Variants in ADPRHL1 observed in about 807,000 individuals in gnomAD.
The protein encoded by ADPRHL1 is ADP-ribosylhydrolase like 1.
Under a neutral mutation model 44.1 loss-of-function variants are expected in ADPRHL1, and 43 were observed. The ratio of observed to expected loss-of-function variants is 0.98; its 90% CI spans 0.76 to 1.26. The LOEUF (loss-of-function observed/expected upper bound fraction) is 1.26, where lower values mean the gene tolerates loss of function less well. Among genes scored for constraint, ADPRHL1 ranks in the 50% most tolerant of loss-of-function variants. The probability of loss-of-function intolerance (pLI) is 0.00; values close to 1 mark genes in which losing one functional copy is unlikely to be tolerated. For missense variants in ADPRHL1, 2,022 were observed against 2,496.9 expected (o/e 0.81, Z 4.05); for synonymous variants, 878 against 1,017.4 (o/e 0.86, Z 2.61).
intron 1 of ADPRHL1, among the ~76,000 whole-genome samples, chr13:113,447,279 C>T (rs2044147970): frequency 7.8e-6 from 1 of 127,788 alleles, no homozygotes; most frequent in Non-Finnish European, 1.6e-5. Context: ...TGCATGGCGT[C>T]TACACGCACG....
At chr13:113,423,108 G>C in intron 6 of ADPRHL1, 129 bp from the exon 7 acceptor site, 1 of 1,322,510 alleles carries the variant, frequency 7.6e-7, no homozygotes. Context: ...AAAGGGACAG[G>C]CAGGCCAGCG....
intron 1 of ADPRHL1, among the ~76,000 whole-genome samples, chr13:113,451,855 CTG>C (rs1190808916): frequency 2.0e-5 from 3 of 152,168 alleles, no homozygotes; most frequent in South Asian, 2.1e-4. Flanking sequence ...ACCCTTTTAA[CTG>C]TGTGAATTTC....
chr13:113,416,619 G>A lies in ADPRHL1; in HGVS notation c.1061+6207C>T, dbSNP rs560361465. On this transcript the variant is annotated intron_variant, in intron 7 of 7. Transcript: ENST00000612156. Reference sequence around the variant, plus strand: ...TAGTGAGCTTCTGTCACCAATTTGTGCTACAAACATATAGATTATAAAGGA... The same window carrying A: ...TAGTGAGCTTCTGTCACCAATTTGTACTACAAACATATAGATTATAAAGGA... Among the ~76,000 whole-genome samples the A allele has an allele frequency of 2.6e-5, 4 of 152,258 alleles. No homozygotes were observed. In the East Asian group the frequency reaches 5.8e-4, roughly 22 times the overall value.
Position 113,453,359 on chromosome 13 carries a change from T to C in ADPRHL1, c.79A>G (p.Ser27Gly). ...TCCTGGATCTTCATGCCTACAGTGC[T>C]GTTCTCCTTGCAGACATTTCTGTAG... is the stretch of plus-strand genomic sequence containing the variant. ...LGYRNVCKEN[S>G]TVGMKIQEEL... The change falls in exon 1 of 8, where the codon AGC becomes GGC. Residue 27 changes from serine (S) to glycine (G), a missense_variant. By Grantham distance (56) the Ser-to-Gly change is moderately conservative. Transcript: ENST00000612156. The surrounding 1 kb of genome is among the most constrained non-coding windows in gnomAD (Gnocchi z 5.4). 3 of 1,614,208 alleles carry C rather than the reference T, an allele frequency of 1.9e-6. No individual in the cohort carries two copies. The highest frequency in any genetic ancestry group is 1.3e-5 in the African/African-American group (1 of 75,062).
intron 1 of ADPRHL1, among the ~76,000 whole-genome samples, chr13:113,447,536 C>T (rs958693207): frequency 4.6e-5 from 7 of 151,982 alleles, no homozygotes; most frequent in East Asian, 3.9e-4. Context: ...TCTACACTCA[C>T]GGTGTTTTGT....
intron 2 of ADPRHL1, among the ~76,000 whole-genome samples, chr13:113,439,873 A>C (rs967221349): frequency 1.3e-5 from 2 of 152,352 alleles, no homozygotes; most frequent in East Asian, 3.9e-4. Context: ...GTATTGGCAT[A>C]AAATTGTGAA....
chr13:113,452,258 G>A (rs554134864), intron 1 of ADPRHL1, among the ~76,000 whole-genome samples: 7 of 152,164 alleles, frequency 4.6e-5, no homozygotes, highest in Non-Finnish European at 7.3e-5. Flanking sequence ...ACAGTCGGAC[G>A]CCTCCCCGTC....
intron 4 of ADPRHL1, 39 bp from the exon 5 acceptor site, chr13:113,425,218 T>G: frequency 9.1e-7 from 1 of 1,101,146 alleles, no homozygotes; most frequent in Non-Finnish European, 1.2e-6. Context: ...CACAATGGCA[T>G]CCATGGAGTG....
At chr13:113,420,950 C>CG (rs1304763771) in intron 7 of ADPRHL1, among the ~76,000 whole-genome samples, 3 of 36,070 alleles carry the variant, frequency 8.3e-5, no homozygotes, top group Middle Eastern at 0.017. Context: ...CAACCCTACC[C>CG]CCCCCGACAC....
chr13:113,435,068 G>A (rs1170640278), intron 2 of ADPRHL1, among the ~76,000 whole-genome samples: 3 of 133,922 alleles, frequency 2.2e-5, no homozygotes, highest in Admixed American at 7.5e-5. Flanking sequence ...GCACCCAGGT[G>A]TAGAGTGAAC....
At position 113,408,368 on chromosome 13, in the gene ADPRHL1, G is replaced by A. The variant is rs184752537; in HGVS notation, c.1062-148C>T. 72 of 826,032 alleles carry A rather than the reference G, an allele frequency of 8.7e-5. No homozygotes were observed. In the East Asian group the frequency reaches 2.0e-3, roughly 23 times the overall value. 51.2% of individuals were successfully genotyped at this position (826,032 alleles called of 1,614,324 possible). On this transcript the variant is annotated intron_variant, in intron 7 of 7. Transcript: ENST00000612156. ...AAGAGATTAGGAGCCAGGAGCTGTG[G>A]CTTCTGGGCTGTCTCTGCTGTTAAT...
In ADPRHL1 at chr13:113,424,301, C is replaced by T. The variant is rs201515700; in HGVS notation, c.823G>A (p.Asp275Asn). ...GCGTCATAGGCTATCATGGGGGCATCGTGGCCTCGTCTTCCCCCTCGACCT... is the reference window on the plus strand; with the variant it reads ...GCGTCATAGGCTATCATGGGGGCATTGTGGCCTCGTCTTCCCCCTCGACCT... ...SEGRGGRRGH[D>N]APMIAYDALL... is the part of the protein sequence containing the mutation. The change falls in exon 6 of 8, where the codon GAT (aspartate) becomes AAT (asparagine). Residue 275 changes from aspartate (D) to asparagine (N), a missense_variant. Physicochemically the swap from Asp to Asn is conservative, Grantham distance 23. Coordinates refer to ENST00000612156, the MANE Select transcript of ADPRHL1 (RefSeq NM_001394807.1). The T allele has an allele frequency of 2.2e-5, 36 of 1,612,776 alleles. No homozygotes were observed. Among genetic ancestry groups the T allele is most frequent in the Admixed American group, 1.8e-4 (11 of 59,992 alleles).
intron 1 of ADPRHL1, chr13:113,448,921 T>C (rs140161821): frequency 3.0e-5 from 30 of 983,764 alleles, no homozygotes; most frequent in Middle Eastern, 5.2e-4. Flanking sequence ...GAGCTGGGAA[T>C]GGCCAGCTGC....
intron 7 of ADPRHL1, among the ~76,000 whole-genome samples, chr13:113,414,436 A>G (rs1289869434): frequency 3.6e-4 from 3 of 8,424 alleles, no homozygotes; most frequent in Admixed American, 1.5e-3. Flanking sequence ...CTCAGTCCCC[A>G]GCCTCCCTGC....
intron 2 of ADPRHL1, among the ~76,000 whole-genome samples, chr13:113,438,568 C>T (rs2139642259): frequency 6.6e-6 from 1 of 152,264 alleles, no homozygotes; most frequent in Admixed American, 6.5e-5. Flanking sequence ...GTGGCACGCA[C>T]CTGTAGTCCC....
intron 1 of ADPRHL1, among the ~76,000 whole-genome samples, chr13:113,449,762 TCTG>T (rs1293431606): frequency 6.6e-6 from 1 of 152,234 alleles, no homozygotes; most frequent in Non-Finnish European, 1.5e-5. Context: ...TTTGTAAAAG[TCTG>T]CCTGTCTTTG....
intron 4 of ADPRHL1, among the ~76,000 whole-genome samples, chr13:113,426,680 GAAGTGA>G (rs1315730227): frequency 6.6e-6 from 1 of 152,236 alleles, no homozygotes; most frequent in Non-Finnish European, 1.5e-5. Flanking sequence ...CATGAAATTG[GAAGTGA>G]AAGACGCAAA....
chr13:113,449,500 CAGA>C (rs952707007), intron 1 of ADPRHL1, among the ~76,000 whole-genome samples: 3 of 143,670 alleles, frequency 2.1e-5, no homozygotes, highest in Non-Finnish European at 4.5e-5. Flanking sequence ...GAGGCTCACC[CAGA>C]AGGAGACAGC....
At chr13:113,429,226 A>G (rs369407667) in intron 3 of ADPRHL1, 134 bp from the exon 4 acceptor site, 35 of 1,223,204 alleles carry the variant, frequency 2.9e-5, no homozygotes, top group African/African-American at 1.8e-4. Context: ...TCAGGTGCAC[A>G]GTTCGGCGGC....
Sources: allele counts gnomAD v4.1 joint callset (sites outside exome capture counted in the v4.1 genomes callset), GRCh38; gene constraint gnomAD v4.1.1; non-coding constraint Gnocchi (gnomAD v3.1); transcripts MANE v1.5; gene names NCBI Gene and HGNC (gene_info 2026-07-23, HGNC 2026-07-21).